Variants in NCKAP5 observed in about 807,000 individuals in gnomAD.
NCKAP5 encodes the protein NCK associated protein 5.
NCKAP5 carries 92 observed loss-of-function variants against 167.0 expected under a neutral mutation model. The observed-to-expected ratio is 0.55, with a 90% CI of 0.47 to 0.66. NCKAP5 has a LOEUF of 0.66. NCKAP5 is among the 30% of genes least tolerant of loss of function. The probability of loss-of-function intolerance (pLI) is 0.00; values close to 1 mark genes in which losing one functional copy is unlikely to be tolerated. For synonymous variants in NCKAP5, 891 were observed against 877.4 expected (o/e 1.02, Z -0.27); for missense variants, 2,378 against 2,315.0 (o/e 1.03, Z -0.56).
chr2:133,218,010 A>C (rs1178298676), intron 4 of NCKAP5, among the ~76,000 whole-genome samples: 1 of 152,128 alleles, frequency 6.6e-6, no homozygotes, highest in Non-Finnish European at 1.5e-5. Flanking sequence ...GGACTGTAGA[A>C]CAGTAGGTCC....
At chr2:132,967,931 C>T (rs1264684010) in intron 7 of NCKAP5, among the ~76,000 whole-genome samples, 1 of 152,106 alleles carries the variant, frequency 6.6e-6, no homozygotes, top group African/African-American at 2.4e-5. Context: ...GTGGCCATTA[C>T]AGCAAAGGCC....
intron 4 of NCKAP5, among the ~76,000 whole-genome samples, chr2:133,242,885 T>C (rs573076285): frequency 2.0e-5 from 3 of 152,266 alleles, no homozygotes; most frequent in Non-Finnish European, 2.9e-5. Context: ...GTACAAAAGA[T>C]CAGAGCATGA....
the NCKAP5 span, among the ~76,000 whole-genome samples, chr2:133,652,755 T>C: frequency 6.6e-6 from 1 of 152,208 alleles, no homozygotes; most frequent in Non-Finnish European, 1.5e-5. Flanking sequence ...TCCAGTACAG[T>C]TGGAATAGGT....
upstream of NCKAP5, among the ~76,000 whole-genome samples, chr2:133,569,717 T>C (rs935088624): frequency 4.6e-5 from 7 of 152,182 alleles, no homozygotes; most frequent in Non-Finnish European, 1.0e-4. Context: ...CAGATGCTCA[T>C]TGCATGTCTG....
chr2:132,799,681 C>T (rs1684877683), intron 11 of NCKAP5, among the ~76,000 whole-genome samples: 1 of 151,966 alleles, frequency 6.6e-6, no homozygotes, highest in South Asian at 2.1e-4. Context: ...AGCTTTCATA[C>T]ATATAAGGCA....
intron 16 of NCKAP5, among the ~76,000 whole-genome samples, chr2:132,746,324 A>G (rs561371602): frequency 9.7e-4 from 148 of 152,252 alleles, no homozygotes; most frequent in African/African-American, 3.5e-3. Flanking sequence ...TTTCAACAAA[A>G]GGTATTAAAA....
At chr2:133,123,550 A>G (rs575901691) in intron 6 of NCKAP5, 3 of 249,654 alleles carry the variant, frequency 1.2e-5, no homozygotes, top group Admixed American at 8.7e-5. Context: ...AGAGGCCCCA[A>G]TTTTTATGAA....
intron 3 of NCKAP5, among the ~76,000 whole-genome samples, chr2:133,474,112 A>ATCTATC (rs142518396): frequency 7.3e-6 from 1 of 137,858 alleles, no homozygotes; most frequent in African/African-American, 3.0e-5. Context: ...AGAAAATGTG[A>ATCTATC]TATCTATCTA....
intron 11 of NCKAP5, among the ~76,000 whole-genome samples, chr2:132,797,920 G>A (rs1684732810): frequency 6.6e-6 from 1 of 152,122 alleles, no homozygotes; most frequent in South Asian, 2.1e-4. Context: ...CATTTATACA[G>A]CACCTCCTGA....
At chr2:132,752,908 G>T (rs561482327) in intron 16 of NCKAP5, among the ~76,000 whole-genome samples, 2 of 152,314 alleles carry the variant, frequency 1.3e-5, no homozygotes, top group South Asian at 4.1e-4. Flanking sequence ...AAATGTCCCA[G>T]TTGAAAGGTA....
intron 3 of NCKAP5, among the ~76,000 whole-genome samples, chr2:133,414,312 T>G (rs1688967454): frequency 6.6e-6 from 1 of 152,220 alleles, no homozygotes; most frequent in South Asian, 2.1e-4. Context: ...AAGGTGCCAT[T>G]CCAAATGGAG....
chr2:133,533,857 CTTTAA>C (rs1685551615), intron 2 of NCKAP5, among the ~76,000 whole-genome samples: 1 of 152,116 alleles, frequency 6.6e-6, no homozygotes, highest in Admixed American at 6.5e-5. Context: ...TTATTTATTT[CTTTAA>C]TTTAATAGAT....
At chr2:132,959,759 T>G (rs140983432) in intron 8 of NCKAP5, among the ~76,000 whole-genome samples, 1 of 152,132 alleles carries the variant, frequency 6.6e-6, no homozygotes, top group Admixed American at 6.6e-5. Flanking sequence ...AAAGGAGTGA[T>G]CCTTTCGTAG....
intron 12 of NCKAP5, among the ~76,000 whole-genome samples, chr2:132,794,648 TACACACACACACACAC>T (rs4057986): frequency 7.0e-6 from 1 of 142,474 alleles, no homozygotes. Context: ...CAACAACAAA[TACACACACACACACAC>T]ACACACACAC....
At chr2:133,185,385 T>C (rs951016556) in intron 5 of NCKAP5, among the ~76,000 whole-genome samples, 1 of 152,090 alleles carries the variant, frequency 6.6e-6, no homozygotes, top group African/African-American at 2.4e-5. Flanking sequence ...AGTTTGAAGT[T>C]GGGTAATGTA....
chr2:133,006,003 T>C lies in NCKAP5; in HGVS notation c.342-11764A>G, dbSNP rs186216099. On this transcript the variant is annotated intron_variant, in intron 6 of 19. Coordinates refer to ENST00000409261, the MANE Select transcript of NCKAP5 (RefSeq NM_207363.3). Reference sequence around the variant, plus strand: ...TGGGCATGGTGGCTCACACTAGTAATCCCAGCACTTTGGGAGGCTGAGGCA... The same window carrying C: ...TGGGCATGGTGGCTCACACTAGTAACCCCAGCACTTTGGGAGGCTGAGGCA... Among the ~76,000 whole-genome samples the C allele has an allele frequency of 3.3e-5, 5 of 152,258 alleles. No homozygotes were observed. The East Asian group carries it at 9.7e-4, about 29-fold the overall frequency.
intron 5 of NCKAP5, among the ~76,000 whole-genome samples, chr2:133,137,406 T>TTGTGTGTGTGTGTGTGTGTG (rs58955655): frequency 3.7e-4 from 51 of 136,300 alleles, no homozygotes; most frequent in Middle Eastern, 3.6e-3. Context: ...GAGCTTGGTT[T>TTGTGTGTGTGTGTGTGTGTG]TGTGTGTGTG....
chr2:132,768,663 G>A (rs1293144505), intron 16 of NCKAP5, among the ~76,000 whole-genome samples: 8 of 139,336 alleles, frequency 5.7e-5, no homozygotes, highest in African/African-American at 1.3e-4. Context: ...TTTTTGAGAC[G>A]GAGTCTCGCT....
At chr2:132,705,870 G>A (rs1456681611) in intron 19 of NCKAP5, among the ~76,000 whole-genome samples, 2 of 152,168 alleles carry the variant, frequency 1.3e-5, no homozygotes, top group Non-Finnish European at 2.9e-5. Context: ...CAGAATGGCA[G>A]AATTGGGATT....
Sources: allele counts gnomAD v4.1 joint callset (sites outside exome capture counted in the v4.1 genomes callset), GRCh38; gene constraint gnomAD v4.1.1; transcripts MANE v1.5; gene names NCBI Gene and HGNC (gene_info 2026-07-23, HGNC 2026-07-21).